Variants in JAK2 observed in about 807,000 individuals in gnomAD.
The protein encoded by JAK2 is Janus kinase 2.
Under a neutral mutation model 139.3 loss-of-function variants are expected in JAK2, and 86 were observed. The ratio of observed to expected loss-of-function variants is 0.62; its 90% CI spans 0.52 to 0.74. JAK2 has a LOEUF of 0.74. JAK2 is among the 30% of genes least tolerant of loss of function. The probability of loss-of-function intolerance (pLI) is 0.00; values close to 1 mark genes in which losing one functional copy is unlikely to be tolerated. For synonymous variants in JAK2, 490 were observed against 437.7 expected (o/e 1.12, Z -1.49); for missense variants, 1,421 against 1,360.3 (o/e 1.04, Z -0.70).
intron 22 of JAK2, among the ~76,000 whole-genome samples, chr9:5,115,609 C>T (rs112332164): frequency 3.3e-5 from 5 of 152,284 alleles, no homozygotes; most frequent in Admixed American, 6.5e-5. Flanking sequence ...GACACATGCA[C>T]ATGTATGTTT....
At chr9:5,058,878 A>G (rs1817961847) in intron 8 of JAK2, among the ~76,000 whole-genome samples, 1 of 152,000 alleles carries the variant, frequency 6.6e-6, no homozygotes, top group Non-Finnish European at 1.5e-5. Flanking sequence ...TCATTTTTTA[A>G]TCAGGTTTTT....
chr9:5,118,260 C>G (rs1030431024), intron 22 of JAK2, among the ~76,000 whole-genome samples: 1 of 152,190 alleles, frequency 6.6e-6, no homozygotes, highest in Non-Finnish European at 1.5e-5. Flanking sequence ...AACTTTGTAT[C>G]ATTCCTTTTT....
At chr9:5,029,558 A>G (rs1422845784) in intron 3 of JAK2, among the ~76,000 whole-genome samples, 1 of 152,212 alleles carries the variant, frequency 6.6e-6, no homozygotes, top group Non-Finnish European at 1.5e-5. Context: ...AATATCTGCA[A>G]AGTACAATAA....
rs1421998584 is a variant in JAK2 at position 5,050,823 on chromosome 9, C to T, written c.606C>T (p.Asn202=). 2 of 1,612,884 alleles carry T rather than the reference C, an allele frequency of 1.2e-6. No individual in the cohort carries two copies. The highest frequency in any genetic ancestry group is 1.3e-5 in the African/African-American group (1 of 74,836). Residue 202 remains asparagine (N), a synonymous_variant, in exon 6 of 25, where the codon AAC becomes AAT. Transcript: ENST00000381652. ...ENDQTPLAIY[N]SISYKTFLPK... ...ATCAAACCCCACTGGCCATCTATAACTCTATCAGGTAATTTTCTTTTGCAA... is the reference window on the plus strand; with the variant it reads ...ATCAAACCCCACTGGCCATCTATAATTCTATCAGGTAATTTTCTTTTGCAA...
chr9:5,110,112 C>G (rs1287838104), intron 22 of JAK2: 1 of 152,188 alleles, frequency 6.6e-6, no homozygotes, highest in Non-Finnish European at 1.5e-5. Context: ...AATTCGCCTT[C>G]TCTTAGCAGC....
intron 14 of JAK2, among the ~76,000 whole-genome samples, chr9:5,074,703 TA>T (rs1283457288): frequency 6.6e-6 from 1 of 152,236 alleles, no homozygotes; most frequent in Non-Finnish European, 1.5e-5. Flanking sequence ...CAATGGTCTT[TA>T]AATGTTCAAG....
intron 19 of JAK2, among the ~76,000 whole-genome samples, chr9:5,082,166 A>G (rs1052335858): frequency 7.9e-5 from 12 of 152,220 alleles, no homozygotes; most frequent in African/African-American, 2.2e-4. Context: ...AGTGCTCAGC[A>G]TATGGAGGAC....
chr9:5,040,980 C>G, intron 4 of JAK2: 1 of 601,918 alleles, frequency 1.7e-6, no homozygotes, highest in South Asian at 1.5e-5. Context: ...ATGTGGCTAT[C>G]AAATTGGAGC....
At chr9:5,032,295 C>T (rs1046763800) in intron 4 of JAK2, among the ~76,000 whole-genome samples, 3 of 152,310 alleles carry the variant, frequency 2.0e-5, no homozygotes, top group African/African-American at 4.8e-5. Context: ...GGAGGCCTGC[C>T]GGCCTCTGTA....
intron 22 of JAK2, 118 bp downstream of exon 22, chr9:5,091,029 T>A: frequency 1.3e-6 from 1 of 785,710 alleles, no homozygotes; most frequent in Non-Finnish European, 2.0e-6. Flanking sequence ...TTAAGTCTTT[T>A]AAGTCTTACA....
chr9:5,002,375 TA>T (rs1587810388), intron 2 of JAK2, among the ~76,000 whole-genome samples: 1 of 152,128 alleles, frequency 6.6e-6, no homozygotes, highest in East Asian at 1.9e-4. Context: ...ATTTCCCTTT[TA>T]ATTTCTTCTT....
Position 5,070,400 on chromosome 9 carries a change from G to GA in JAK2, c.1641+355dup, listed in dbSNP as rs530397905. On this transcript the variant is annotated intron_variant, in intron 12 of 24. Transcript: ENST00000381652. ...GGGTTAAAAATAAAGAAGAAACTGA[G>GA]AAAAAAATCCAGCCATCTCTCAGTG... is the stretch of plus-strand genomic sequence containing the variant. Among the ~76,000 whole-genome samples the GA allele has an allele frequency of 7.0e-3, 1,065 of 151,946 alleles. 10 individuals are homozygous for GA. The highest frequency in any genetic ancestry group is 0.025 in the African/African-American group (1,020 of 41,444).
Position 5,081,878 on chromosome 9 carries a change from T to A in JAK2, c.2571+17T>A. On this transcript the variant is annotated intron_variant, in intron 19 of 24. Coordinates refer to ENST00000381652, the MANE Select transcript of JAK2 (RefSeq NM_004972.4). Reference sequence around the variant, plus strand: ...CTTGGCAAGGTAAATTGTCAGAATTTTTTCAAATAGAGTATAATCATTTCA... The same window carrying A: ...CTTGGCAAGGTAAATTGTCAGAATTATTTCAAATAGAGTATAATCATTTCA... 1 of 1,599,836 alleles carries A rather than the reference T, an allele frequency of 6.3e-7. No homozygotes were observed. Among genetic ancestry groups the A allele is most frequent in the Non-Finnish European group, 8.6e-7 (1 of 1,168,604 alleles).
At chr9:5,024,757 C>T (rs546390818) in intron 3 of JAK2, among the ~76,000 whole-genome samples, 133 of 152,276 alleles carry the variant, frequency 8.7e-4, no homozygotes, top group Admixed American at 1.3e-3. Flanking sequence ...TGCTTTTCTG[C>T]CCTGAGAAAG....
chr9:5,050,188 C>G (rs1563957424), intron 5 of JAK2, among the ~76,000 whole-genome samples: 1 of 152,162 alleles, frequency 6.6e-6, no homozygotes, highest in East Asian at 1.9e-4. Context: ...TATATGTACT[C>G]TGTAATTGGG....
chr9:5,031,003 A>C (rs934437243), intron 4 of JAK2, among the ~76,000 whole-genome samples: 1 of 152,142 alleles, frequency 6.6e-6, no homozygotes, highest in Non-Finnish European at 1.5e-5. Flanking sequence ...AGCTACAAAA[A>C]CCCTTAACTA....
chr9:5,077,926 G>A (rs1229832556), intron 15 of JAK2, among the ~76,000 whole-genome samples: 1 of 152,152 alleles, frequency 6.6e-6, no homozygotes, highest in Non-Finnish European at 1.5e-5. Context: ...AAGCGGTGTT[G>A]ACAGAGAAGA....
intron 22 of JAK2, chr9:5,109,898 A>C (rs1015415217): frequency 1.3e-5 from 2 of 152,190 alleles, no homozygotes; most frequent in African/African-American, 4.8e-5. Context: ...TCGGATGAGA[A>C]GGTATAGGAA....
chr9:5,000,015 T>G (rs1403475031), intron 2 of JAK2, among the ~76,000 whole-genome samples: 2 of 152,236 alleles, frequency 1.3e-5, no homozygotes, highest in African/African-American at 4.8e-5. Context: ...CTCATTTTTA[T>G]GTACTTTTCT....
Sources: gnomAD v4.1 joint callset for allele counts (sites outside exome capture counted in the v4.1 genomes callset) on GRCh38, gnomAD v4.1.1 for gene constraint, MANE v1.5 for transcripts, NCBI Gene and HGNC (gene_info 2026-07-23, HGNC 2026-07-21) for gene names.